The following HTR2A variants were observed in gnomAD, a reference collection of about 807,000 sequenced individuals.
HTR2A encodes 5-hydroxytryptamine receptor 2A.
A neutral mutation model predicts 31.0 loss-of-function variants in HTR2A; 14 were observed. The observed-to-expected ratio is 0.45, with a 90% CI of 0.30 to 0.71. The LOEUF is 0.71. Ranked by LOEUF, HTR2A falls within the 30% of genes least tolerant of loss-of-function variation. The pLI, the probability that HTR2A is intolerant of heterozygous loss-of-function variation, is 0.09. For synonymous variants in HTR2A, 209 were observed against 225.2 expected, an observed-to-expected ratio of 0.93 and a Z score of 0.64; for missense variants, 442 against 573.3, an observed-to-expected ratio of 0.77 and a Z score of 2.34.
At chr13:46,861,769 G>A (rs1950780266) in intron 3 of HTR2A, among the ~76,000 whole-genome samples, 1 of 152,224 alleles carries the variant, frequency 6.6e-6, no homozygotes, top group Admixed American at 6.5e-5. Flanking sequence ...GCACTCCTAA[G>A]AGTTGGAAGA....
chr13:46,880,279 T>G (rs184128218), intron 3 of HTR2A, among the ~76,000 whole-genome samples: 1 of 152,258 alleles, frequency 6.6e-6, no homozygotes, highest in East Asian at 1.9e-4. Context: ...CTTAGCTCCT[T>G]GCATGGTGAC....
chr13:46,887,365 G>A (rs1217855791), intron 3 of HTR2A, among the ~76,000 whole-genome samples: 1 of 149,586 alleles, frequency 6.7e-6, no homozygotes, highest in Admixed American at 6.7e-5. Context: ...GGAGCTTGCA[G>A]TGAGCCGAGA....
upstream of HTR2A, chr13:46,897,126 G>T: frequency 3.4e-6 from 1 of 296,312 alleles, no homozygotes; most frequent in Non-Finnish European, 6.2e-6. Context: ...ACAGCCAGGA[G>T]GGCGGACCAA....
intron 3 of HTR2A, among the ~76,000 whole-genome samples, chr13:46,851,206 T>C (rs1950682498): frequency 6.6e-6 from 1 of 152,234 alleles, no homozygotes; most frequent in South Asian, 2.1e-4. Context: ...CAGTTTCATA[T>C]CTTCATAGTT....
chr13:46,894,250 C>T (rs1027551066), intron 2 of HTR2A, among the ~76,000 whole-genome samples: 7 of 152,244 alleles, frequency 4.6e-5, no homozygotes, highest in African/African-American at 1.7e-4. Context: ...CAGGGGGCGC[C>T]CTTGCTCCCC....
At chr13:46,881,414 C>A (rs1950961816) in intron 3 of HTR2A, among the ~76,000 whole-genome samples, 1 of 152,204 alleles carries the variant, frequency 6.6e-6, no homozygotes, top group South Asian at 2.1e-4. Context: ...CCAAGCCACT[C>A]AGCTGCAGGC....
At position 46,896,689 on chromosome 13, in the gene HTR2A, C is replaced by T. The variant is rs6312; in HGVS notation, c.-344G>A. The T allele has an allele frequency of 0.94, 1,440,707 of 1,532,638 alleles. 677,813 individuals are homozygous for T. Among genetic ancestry groups the T allele is most frequent in the East Asian group, 1 (40,769 of 40,778 alleles). The allele number at this position is 1,532,638 out of a possible 1,614,324, so 94.9% of individuals were successfully genotyped here. A position where few individuals can be genotyped will look rare whatever the true frequency, so the allele number is the denominator to read the frequency against. On this transcript the variant is annotated 5_prime_UTR_variant, in exon 1 of 4. Transcript: ENST00000542664. ...GAGAACTTACATTTGTCTTCAGGGTCCACACATGAGATACATTTGTTATTC... is the reference window on the plus strand; with the variant it reads ...GAGAACTTACATTTGTCTTCAGGGTTCACACATGAGATACATTTGTTATTC...
chr13:46,883,264 A>AAGTTTAGGAAGGTCCTAACCTTC (rs1555299792), intron 3 of HTR2A, among the ~76,000 whole-genome samples: 1 of 151,974 alleles, frequency 6.6e-6, no homozygotes, highest in Non-Finnish European at 1.5e-5. Context: ...TAGGTCCAGG[A>AAGTTTAGGAAGGTCCTAACCTTC]AGGTTAGGAT....
intron 3 of HTR2A, among the ~76,000 whole-genome samples, chr13:46,875,555 A>G (rs900746569): frequency 6.6e-6 from 1 of 152,188 alleles, no homozygotes; most frequent in Non-Finnish European, 1.5e-5. Flanking sequence ...AAGTGCCACC[A>G]TACTTCATGT....
At chr13:46,867,269 T>A (rs1339524657) in intron 3 of HTR2A, among the ~76,000 whole-genome samples, 1 of 152,184 alleles carries the variant, frequency 6.6e-6, no homozygotes, top group Non-Finnish European at 1.5e-5. Context: ...AGAGATAAGT[T>A]ACCCTTAAAA....
At chr13:46,842,770 G>T (rs1950608540) in intron 3 of HTR2A, among the ~76,000 whole-genome samples, 1 of 152,098 alleles carries the variant, frequency 6.6e-6, no homozygotes, top group African/African-American at 2.4e-5. Context: ...CCCATAGCAA[G>T]ATTTTTCAAC....
chr13:46,893,520 C>A (rs1951072110), intron 2 of HTR2A, among the ~76,000 whole-genome samples: 1 of 152,206 alleles, frequency 6.6e-6, no homozygotes, highest in Non-Finnish European at 1.5e-5. Context: ...GGTCCTGATG[C>A]CCATGCCAAA....
At chr13:46,859,976 T>C (rs1275569724) in intron 3 of HTR2A, among the ~76,000 whole-genome samples, 1 of 152,174 alleles carries the variant, frequency 6.6e-6, no homozygotes, top group Non-Finnish European at 1.5e-5. Flanking sequence ...TTTTAGCCAG[T>C]ATCATTTTTA....
chr13:46,891,820 C>A (rs543578706), intron 3 of HTR2A, among the ~76,000 whole-genome samples: 1 of 152,278 alleles, frequency 6.6e-6, no homozygotes, highest in Admixed American at 6.5e-5. Flanking sequence ...TGTAATCAAC[C>A]TAACAGAAGC....
chr13:46,856,417 A>G (rs1228589954), intron 3 of HTR2A: 1 of 152,192 alleles, frequency 6.6e-6, no homozygotes, highest in Admixed American at 6.5e-5. Flanking sequence ...ATGAAATTCA[A>G]GAGGTAGAAA....
At chr13:46,881,896 AT>A (rs1361779291) in intron 3 of HTR2A, among the ~76,000 whole-genome samples, 5 of 151,844 alleles carry the variant, frequency 3.3e-5, no homozygotes, top group Non-Finnish European at 7.4e-5. Flanking sequence ...TTTTTCAAGC[AT>A]TTTTTTTCCA....
intron 3 of HTR2A, among the ~76,000 whole-genome samples, chr13:46,836,421 T>C (rs941472020): frequency 2.6e-5 from 4 of 152,222 alleles, no homozygotes; most frequent in African/African-American, 7.2e-5. Context: ...TGCAGTACTT[T>C]ACATGCAGTA....
intron 3 of HTR2A, among the ~76,000 whole-genome samples, chr13:46,846,008 ACT>A (rs1476523798): frequency 6.6e-6 from 1 of 152,092 alleles, no homozygotes; most frequent in Admixed American, 6.5e-5. Context: ...GTACAGTAAC[ACT>A]CTGTACAGAT....
chr13:46,860,816 A>G (rs1317611497), intron 3 of HTR2A, among the ~76,000 whole-genome samples: 1 of 152,176 alleles, frequency 6.6e-6, no homozygotes, highest in Non-Finnish European at 1.5e-5. Flanking sequence ...AGATTTGCTA[A>G]TGGTTTTACA....
Sources: gnomAD v4.1 joint callset for allele counts (sites outside exome capture counted in the v4.1 genomes callset) on GRCh38, gnomAD v4.1.1 for gene constraint, MANE v1.5 for transcripts, NCBI Gene and HGNC (gene_info 2026-07-23, HGNC 2026-07-21) for gene names.